PPP3CB: variants seen among roughly 807,000 people sequenced by gnomAD.
The protein encoded by PPP3CB is serine/threonine-protein phosphatase 2B catalytic subunit beta isoform.
A neutral mutation model predicts 66.4 loss-of-function variants in PPP3CB; 8 were observed. The observed-to-expected ratio is 0.12, with a 90% CI of 0.07 to 0.22. The LOEUF is 0.22. PPP3CB is among the 10% of genes least tolerant of loss of function. The pLI, the probability that PPP3CB is intolerant of heterozygous loss-of-function variation, is 1.00. For missense variants in PPP3CB, 319 were observed against 642.5 expected (o/e 0.50, Z 5.44); for synonymous variants, 208 against 221.2 (o/e 0.94, Z 0.53).
At chr10:73,468,350 A>G (rs1423640433) in intron 8 of PPP3CB, among the ~76,000 whole-genome samples, 1 of 152,194 alleles carries the variant, frequency 6.6e-6, no homozygotes, top group East Asian at 1.9e-4. Context: ...CAATATGTTG[A>G]TATAATTAAA....
rs569879111 is a variant in PPP3CB at position 73,449,819 on chromosome 10, C to T, written c.1187-3246G>A. Among the ~76,000 whole-genome samples, 10 of 151,460 alleles carry T rather than the reference C, an allele frequency of 6.6e-5. No individual in the cohort carries two copies. The South Asian group carries it at 1.0e-3, about 16-fold the overall frequency. ...ATCTTAGCTTTTTTTTTTTTGAGAC[C>T]GAGTCTCGCTCTGTCAACCAGGCTG... On this transcript the variant is annotated intron_variant, in intron 10 of 13. Coordinates refer to ENST00000360663, the MANE Select transcript of PPP3CB (RefSeq NM_021132.4).
At position 73,485,216 on chromosome 10, in the gene PPP3CB, G is replaced by A. The variant is rs2056952084; in HGVS notation, c.86-5699C>T. ...CTCTATATAGTAACCAATAATATTC[G>A]CAAGGTATTTTCACTCACATTTAAT... is the stretch of plus-strand genomic sequence containing the variant. On this transcript the variant is annotated intron_variant, in intron 1 of 13. Coordinates refer to ENST00000360663, the MANE Select transcript of PPP3CB (RefSeq NM_021132.4). Among the ~76,000 whole-genome samples the A allele has an allele frequency of 2.6e-5, 4 of 152,038 alleles. No individual in the cohort carries two copies. In the South Asian group the frequency reaches 6.2e-4, roughly 24 times the overall value.
intron 9 of PPP3CB, among the ~76,000 whole-genome samples, chr10:73,457,944 G>A (rs567868929): frequency 6.6e-6 from 1 of 152,068 alleles, no homozygotes; most frequent in African/African-American, 2.4e-5. Flanking sequence ...GGTAGAGTGT[G>A]GAATGATAGA....
At chr10:73,483,336 G>GA (rs2056914692) in intron 1 of PPP3CB, among the ~76,000 whole-genome samples, 2 of 152,262 alleles carry the variant, frequency 1.3e-5, no homozygotes, top group South Asian at 4.1e-4. Flanking sequence ...CCATAACACT[G>GA]AAAATAAAAA....
chr10:73,452,557 G>A (rs113329339), intron 10 of PPP3CB, among the ~76,000 whole-genome samples: 29 of 152,074 alleles, frequency 1.9e-4, no homozygotes, highest in Admixed American at 5.2e-4. Context: ...TTAGCTGGGC[G>A]TGATGGTGGG....
chr10:73,472,424 G>A (rs1247451816), intron 4 of PPP3CB, among the ~76,000 whole-genome samples: 1 of 151,854 alleles, frequency 6.6e-6, no homozygotes. Flanking sequence ...AACCCAGGAG[G>A]TGGAGGCTGC....
chr10:73,468,307 C>T (rs1237231703), intron 8 of PPP3CB, among the ~76,000 whole-genome samples: 2 of 152,012 alleles, frequency 1.3e-5, no homozygotes, highest in Admixed American at 6.6e-5. Context: ...CCAGAGATAA[C>T]ATTTTCATCT....
At chr10:73,483,626 C>A (rs745782597) in intron 1 of PPP3CB, among the ~76,000 whole-genome samples, 8 of 152,006 alleles carry the variant, frequency 5.3e-5, no homozygotes, top group Non-Finnish European at 8.8e-5. Flanking sequence ...CAGTGCATTC[C>A]AGCCTGGGAG....
intron 10 of PPP3CB, among the ~76,000 whole-genome samples, chr10:73,447,124 T>C (rs531878982): frequency 2.8e-4 from 42 of 152,354 alleles, no homozygotes; most frequent in Non-Finnish European, 5.6e-4. Context: ...ACTGTGCAGG[T>C]AATCCTGAAC....
rs2056088432 is a variant in PPP3CB at position 73,437,586 on chromosome 10, A to G, written c.*656T>C. ...GTGTAAGTCTTAAAAGATCTGGGCA[A>G]AAAAGACTCTAAATTAGTTTTTGGA... is the stretch of plus-strand genomic sequence containing the variant. On this transcript the variant is annotated 3_prime_UTR_variant, in exon 14 of 14. Transcript: ENST00000360663. 1 of 152,634 alleles carries G rather than the reference A, an allele frequency of 6.6e-6. No homozygotes were observed. The highest frequency in any genetic ancestry group is 1.5e-5 in the Non-Finnish European group (1 of 68,040). 9.5% of individuals were successfully genotyped at this position (152,634 alleles called of 1,614,324 possible). A position where few individuals can be genotyped will look rare whatever the true frequency, so the allele number is the denominator to read the frequency against.
chr10:73,459,981 T>C (rs888584290), intron 9 of PPP3CB, among the ~76,000 whole-genome samples: 2 of 152,024 alleles, frequency 1.3e-5, no homozygotes, highest in East Asian at 3.8e-4. Flanking sequence ...AATAAAGCAG[T>C]TATAAAAAAT....
chr10:73,467,873 G>A (rs1290421428), intron 8 of PPP3CB, among the ~76,000 whole-genome samples, 195 bp from the exon 9 acceptor site: 3 of 152,152 alleles, frequency 2.0e-5, no homozygotes, highest in African/African-American at 7.2e-5. Context: ...ACACTGTTAT[G>A]TAGAACTATA....
intron 10 of PPP3CB, among the ~76,000 whole-genome samples, chr10:73,452,850 C>T (rs1216033430): frequency 6.6e-6 from 1 of 152,150 alleles, no homozygotes; most frequent in Non-Finnish European, 1.5e-5. Context: ...CTACCACTAA[C>T]AGATGGCAAT....
chr10:73,438,322 C>G lies in PPP3CB; in HGVS notation c.1495G>C (p.Val499Leu). 6.2e-7 allele frequency: 1 copy of G among 1,614,140 alleles called. No individual in the cohort carries two copies. The highest frequency in any genetic ancestry group is 8.5e-7 in the Non-Finnish European group (1 of 1,179,992). ...NERMPPRKDA[V>L]QQDGFNSLNT... ...AGAGAATTGAAACCATCTTGCTGTA[C>G]AGCATCTTTCCGAGGTGGCATTCTC... Residue 499 changes from valine to leucine, a missense_variant, in exon 14 of 14, where the codon GTA becomes CTA. Around this residue, in one of 5 missense-constraint regions of PPP3CB, gnomAD observed 120 missense variants for 331.2 expected, o/e 0.36. Transcript: ENST00000360663.
At chr10:73,475,911 C>T (rs986954992) in intron 3 of PPP3CB, among the ~76,000 whole-genome samples, 5 of 152,258 alleles carry the variant, frequency 3.3e-5, no homozygotes, top group African/African-American at 1.2e-4. Context: ...GGTTGGAGTG[C>T]AATGGCACAA....
intron 10 of PPP3CB, among the ~76,000 whole-genome samples, chr10:73,449,086 A>G (rs1677440342): frequency 6.6e-6 from 1 of 152,238 alleles, no homozygotes; most frequent in African/African-American, 2.4e-5. Context: ...CACCTGTGGA[A>G]GTATGTTAAG....
intron 10 of PPP3CB, among the ~76,000 whole-genome samples, chr10:73,448,853 T>C (rs577759110): frequency 1.4e-4 from 21 of 152,290 alleles, no homozygotes; most frequent in Non-Finnish European, 2.6e-4. Context: ...AATGTAGTAC[T>C]GTAGAATCTG....
intron 10 of PPP3CB, among the ~76,000 whole-genome samples, chr10:73,453,596 C>G (rs1465761440): frequency 6.6e-6 from 1 of 152,032 alleles, no homozygotes; most frequent in South Asian, 2.1e-4. Flanking sequence ...CTTAGAAATA[C>G]GTAGCTATTA....
intron 2 of PPP3CB, 69 bp from the exon 3 acceptor site, chr10:73,478,692 C>A: frequency 7.2e-7 from 1 of 1,385,162 alleles, no homozygotes. Context: ...TAAGTTAAAA[C>A]GTATTTTACA....
Sources: gnomAD v4.1 joint callset for allele counts (sites outside exome capture counted in the v4.1 genomes callset) on GRCh38, gnomAD v4.1.1 for gene constraint, gnomAD v4.1.1 regional missense constraint, MANE v1.5 for transcripts, NCBI Gene and HGNC (gene_info 2026-07-23, HGNC 2026-07-21) for gene names.